The following PFAS variants were observed in gnomAD, a reference collection of about 807,000 sequenced individuals.
PFAS encodes FGAM synthase.
Under a neutral mutation model 140.6 loss-of-function variants are expected in PFAS, and 97 were observed. That is an observed-to-expected ratio of 0.69 (90% CI 0.59 to 0.82). PFAS has a LOEUF of 0.82. Ranked by LOEUF, PFAS falls within the 40% of genes least tolerant of loss-of-function variation. PFAS has a pLI of 0.00. For synonymous variants in PFAS, 679 were observed against 718.8 expected (o/e 0.94, Z 0.88); for missense variants, 1,656 against 1,780.2 (o/e 0.93, Z 1.26).
chr17:8,265,047 GGACCCAAAAGTCGCC>G lies in PFAS; in HGVS notation c.2204_2218del (p.Asp735_Ala739del). The G allele has an allele frequency of 6.2e-7, 1 of 1,613,688 alleles. No individual in the cohort carries two copies. The highest frequency in any genetic ancestry group is 8.5e-7 in the Non-Finnish European group (1 of 1,179,994). Reference sequence around the variant, plus strand: ...GAGAACAGCCAGTCAAGAGCCTGCTGGACCCAAAAGTCGCCGCCCGGCTGGCCGTGGCCGAAGCCC... The same window carrying G: ...GAGAACAGCCAGTCAAGAGCCTGCTGGCCCGGCTGGCCGTGGCCGAAGCCC... On this transcript the variant is annotated inframe_deletion, in exon 18 of 28. Coordinates refer to ENST00000314666, the MANE Select transcript of PFAS (RefSeq NM_012393.3).
intron 1 of PFAS, among the ~76,000 whole-genome samples, chr17:8,250,599 G>T (rs1989112164): frequency 1.3e-5 from 2 of 152,176 alleles, no homozygotes; most frequent in African/African-American, 4.8e-5. Flanking sequence ...CCAGGGTCCC[G>T]CTGAGAGGCA....
chr17:8,257,014 G>A (rs767665809), intron 9 of PFAS, 51 bp downstream of exon 9: 4 of 1,603,240 alleles, frequency 2.5e-6, no homozygotes, highest in Non-Finnish European at 3.4e-6. Flanking sequence ...TCCTTGTCCT[G>A]GCAGGCAGCA....
chr17:8,264,681 T>C, intron 17 of PFAS, 80 bp downstream of exon 17: 1 of 1,447,034 alleles, frequency 6.9e-7, no homozygotes, highest in Non-Finnish European at 9.3e-7. Context: ...TAGAAAGTGC[T>C]GTGGGGGTTT....
chr17:8,259,585 C>T (rs1344354080), intron 11 of PFAS, among the ~76,000 whole-genome samples: 1 of 151,738 alleles, frequency 6.6e-6, no homozygotes, highest in Non-Finnish European at 1.5e-5. Context: ...AGTTTGAGAC[C>T]AGTCTGGGGA....
chr17:8,265,419 C>T lies in PFAS; in HGVS notation c.2412C>T (p.Asp804=), dbSNP rs1483667304. The T allele has an allele frequency of 6.2e-7, 1 of 1,614,196 alleles. No individual in the cohort carries two copies. The highest frequency in any genetic ancestry group is 1.7e-5 in the Admixed American group (1 of 60,014). The change falls in exon 19 of 28, where the codon GAC becomes GAT. Residue 804 remains aspartate (D), a synonymous_variant. Coordinates refer to ENST00000314666, the MANE Select transcript of PFAS (RefSeq NM_012393.3). The part of the protein sequence containing the change: ...ALGVAVDGGK[D]SLSMAARVGT... ...GTGTGGCAGTGGATGGTGGCAAGGA[C>T]TCCCTCAGCATGGCTGCTCGGGTTG... is the stretch of plus-strand genomic sequence containing the variant.
At chr17:8,258,040 G>C (rs373668186) in intron 10 of PFAS, 31 bp from the exon 11 acceptor site, 1 of 1,613,886 alleles carries the variant, frequency 6.2e-7, no homozygotes. Context: ...GGGGAACTGA[G>C]TGACAGGTCC....
intron 11 of PFAS, chr17:8,262,630 C>T: frequency 3.1e-6 from 1 of 323,646 alleles, no homozygotes; most frequent in Non-Finnish European, 5.9e-6. Context: ...CCTGTCTCTA[C>T]TGAAAAAATA....
chr17:8,262,658 C>T lies in PFAS; in HGVS notation c.1337-262C>T, dbSNP rs777140004. Among the ~76,000 whole-genome samples, 18 of 152,050 alleles carry T rather than the reference C, an allele frequency of 1.2e-4. No homozygotes were observed. The East Asian group carries it at 1.4e-3, about 11-fold the overall frequency. On this transcript the variant is annotated intron_variant, in intron 11 of 27. Coordinates refer to ENST00000314666, the MANE Select transcript of PFAS (RefSeq NM_012393.3). ...AAAAAATACAAAAATTAGCCGGGCA[C>T]GATAGCAGGCGCCTGTAGTCCCAGC...
chr17:8,259,609 CCT>C (rs1395193708), intron 11 of PFAS, among the ~76,000 whole-genome samples: 1 of 151,688 alleles, frequency 6.6e-6, no homozygotes, highest in African/African-American at 2.4e-5. Context: ...CAGTCAGACC[CCT>C]GTCTCTAAAA....
chr17:8,266,023 T>TG lies in PFAS; in HGVS notation c.2701+7dup. ...CACTCAGGGGCTGCTGAAAGGTGAG[T>TG]GAAGACCCCTGGGGAGATAGCGCAC... On this transcript the variant is annotated splice_region_variant and intron_variant, in intron 21 of 27. Coordinates refer to ENST00000314666, the MANE Select transcript of PFAS (RefSeq NM_012393.3). This position sits in a 1 kb window ranked among gnomAD's most constrained non-coding sequence, Gnocchi z 5.0. 1 of 1,599,988 alleles carries TG rather than the reference T, an allele frequency of 6.3e-7. No individual in the cohort carries two copies. The highest frequency in any genetic ancestry group is 8.5e-7 in the Non-Finnish European group (1 of 1,172,664).
intron 11 of PFAS, among the ~76,000 whole-genome samples, chr17:8,261,224 G>A (rs749233602): frequency 4.0e-5 from 6 of 151,588 alleles, no homozygotes; most frequent in Admixed American, 6.6e-5. Context: ...GATGTTGAGC[G>A]TGTTTTCTTT....
At position 8,263,196 on chromosome 17, in the gene PFAS, A is replaced by G. The variant is rs1488234494; in HGVS notation, c.1498A>G (p.Arg500Gly). The G allele has an allele frequency of 1.2e-6, 2 of 1,614,010 alleles. No homozygotes were observed. Among genetic ancestry groups the G allele is most frequent in the African/African-American group, 2.7e-5 (2 of 74,928 alleles). Residue 500 changes from arginine to glycine, a missense_variant, in exon 13 of 28, where the codon AGG becomes GGG. Physicochemically the swap from Arg to Gly is moderately radical, Grantham distance 125 (BLOSUM62 -2). Around this residue, in one of 2 missense-constraint regions of PFAS, gnomAD observed 773 missense variants for 757.3 expected, o/e 1.02. Coordinates refer to ENST00000314666, the MANE Select transcript of PFAS (RefSeq NM_012393.3). The stretch of plus-strand genomic sequence containing the variant: ...GGAACAGAAGATGAACCGTGTGATC[A>G]GGGCTTGTGTGGAGGCCCCCAAGGG... ...EMEQKMNRVIRACVEAPKGNP... is the reference protein window; with the variant it reads ...EMEQKMNRVIGACVEAPKGNP...
intron 13 of PFAS, 73 bp downstream of exon 13, chr17:8,263,338 C>G: frequency 3.3e-6 from 5 of 1,505,524 alleles, no homozygotes; most frequent in Non-Finnish European, 4.6e-6. Context: ...GGAGAGGTAT[C>G]AGGAATCTCC....
In PFAS at chr17:8,267,982, T is replaced by TAA. The variant is rs1989894188; in HGVS notation, c.3382+317_3382+318insAA. On this transcript the variant is annotated intron_variant, in intron 26 of 27. Transcript: ENST00000314666. The surrounding 1 kb of genome is among the most constrained non-coding windows in gnomAD (Gnocchi z 4.9). ...AATATATATTATTTATATATATTATTTATATATTATTAAAATATATTATTT... is the reference window on the plus strand; with the variant it reads ...AATATATATTATTTATATATATTATTAATATATATTATTAAAATATATTATTT... 6.9e-6 allele frequency among the ~76,000 whole-genome samples: 1 copy of TAA among 144,096 alleles called. No individual in the cohort carries two copies. The highest frequency in any genetic ancestry group is 1.5e-5 in the Non-Finnish European group (1 of 66,136). 94.5% of individuals were successfully genotyped at this position (144,096 alleles called of 152,430 possible). A position where few individuals can be genotyped will look rare whatever the true frequency, so the allele number is the denominator to read the frequency against.
In PFAS at chr17:8,258,094, C is replaced by T; in HGVS notation, c.1231C>T (p.Gln411Ter). ...AGGCTTCGCCCGCTCCTTGGGCCTC[C>T]AGCTCCCAGACGGCCAGCGGCGTGA... ...LAGFARSLGL[Q>*]LPDGQRREWI... The change falls in exon 11 of 28, where the codon CAG becomes TAG. Residue 411 changes from glutamine (Q) to a stop codon, truncating the protein, a stop_gained. Transcript: ENST00000314666. LOFTEE classifies it high-confidence loss of function. 6.2e-7 allele frequency: 1 copy of T among 1,614,126 alleles called. No individual in the cohort carries two copies. Among genetic ancestry groups the T allele is most frequent in the Middle Eastern group, 1.6e-4 (1 of 6,062 alleles).
intron 17 of PFAS, 48 bp downstream of exon 17, chr17:8,264,649 G>T: frequency 6.5e-7 from 1 of 1,537,610 alleles, no homozygotes. Flanking sequence ...CCTCCGCTCA[G>T]CCTCTTCTGC....
Position 8,265,852 on chromosome 17 carries a change from G to A in PFAS, c.2546-10G>A, listed in dbSNP as rs372293069. ...TGTTCCCCTCCCCTCACCCCTCCCC[G>A]TCTCCCCAGGCCATCTGCTCTATGT... On this transcript the variant is annotated splice_polypyrimidine_tract_variant and intron_variant, in intron 20 of 27. Coordinates refer to ENST00000314666, the MANE Select transcript of PFAS (RefSeq NM_012393.3). The A allele has an allele frequency of 7.6e-5, 120 of 1,586,514 alleles. No homozygotes were observed. Among genetic ancestry groups the A allele is most frequent in the Non-Finnish European group, 9.2e-5 (107 of 1,164,158 alleles).
At chr17:8,258,398 T>C (rs1989460071) in intron 11 of PFAS, among the ~76,000 whole-genome samples, 199 bp downstream of exon 11, 1 of 152,184 alleles carries the variant, frequency 6.6e-6, no homozygotes, top group Admixed American at 6.5e-5. Context: ...CTTCATAGAC[T>C]GTACATACAC....
chr17:8,251,032 A>G (rs979655288), intron 1 of PFAS, among the ~76,000 whole-genome samples: 8 of 151,846 alleles, frequency 5.3e-5, no homozygotes, highest in Admixed American at 5.2e-4. Context: ...TCACGCCTAT[A>G]ATCCCAGCAC....
Sources: allele counts gnomAD v4.1 joint callset (sites outside exome capture counted in the v4.1 genomes callset), GRCh38; gene constraint gnomAD v4.1.1; regional missense constraint gnomAD v4.1.1; non-coding constraint Gnocchi (gnomAD v3.1); transcripts MANE v1.5; gene names NCBI Gene and HGNC (gene_info 2026-07-23, HGNC 2026-07-21).